Variants in CNTNAP2 observed in about 807,000 individuals in gnomAD.
The protein encoded by CNTNAP2 is contactin-associated protein-like 2.
Under a neutral mutation model 155.2 loss-of-function variants are expected in CNTNAP2, and 98 were observed. The observed-to-expected ratio is 0.63, with a 90% CI of 0.54 to 0.75. The LOEUF (loss-of-function observed/expected upper bound fraction) is 0.75. CNTNAP2 is among the 30% of genes least tolerant of loss of function. CNTNAP2 has a pLI of 0.00. For missense variants in CNTNAP2, 1,727 were observed against 1,688.1 expected (o/e 1.02, Z -0.40); for synonymous variants, 651 against 631.2 (o/e 1.03, Z -0.47).
chr7:147,438,420 CA>C (rs1320903281), intron 10 of CNTNAP2, among the ~76,000 whole-genome samples: 1 of 151,932 alleles, frequency 6.6e-6, no homozygotes, highest in Non-Finnish European at 1.5e-5. Context: ...CATTGATTTG[CA>C]TATGTTGAAT....
At chr7:147,056,469 G>A (rs577899419) in intron 4 of CNTNAP2, among the ~76,000 whole-genome samples, 1 of 152,182 alleles carries the variant, frequency 6.6e-6, no homozygotes, top group African/African-American at 2.4e-5. Context: ...TGTTCCAAAG[G>A]ACAGGGACTG....
intron 11 of CNTNAP2, among the ~76,000 whole-genome samples, chr7:147,540,031 A>T (rs995859981): frequency 6.6e-6 from 1 of 152,206 alleles, no homozygotes; most frequent in Non-Finnish European, 1.5e-5. Context: ...CTAGGCTGAT[A>T]CCAGACAAAG....
intron 1 of CNTNAP2, among the ~76,000 whole-genome samples, chr7:146,399,470 C>T (rs1227731777): frequency 6.6e-6 from 1 of 152,142 alleles, no homozygotes; most frequent in Non-Finnish European, 1.5e-5. Flanking sequence ...TGATGATCTC[C>T]AGCTTCATCG....
At chr7:147,016,454 A>T (rs1798725359) in intron 3 of CNTNAP2, among the ~76,000 whole-genome samples, 1 of 152,064 alleles carries the variant, frequency 6.6e-6, no homozygotes, top group South Asian at 2.1e-4. Context: ...AGCAAGAATT[A>T]AAAACATACT....
At chr7:147,588,100 A>C (rs557477738) in intron 12 of CNTNAP2, among the ~76,000 whole-genome samples, 1 of 152,300 alleles carries the variant, frequency 6.6e-6, no homozygotes, top group South Asian at 2.1e-4. Flanking sequence ...CTGAATCCAA[A>C]AAGATAGATA....
At chr7:146,674,555 A>G (rs1295932959) in intron 1 of CNTNAP2, among the ~76,000 whole-genome samples, 1 of 152,154 alleles carries the variant, frequency 6.6e-6, no homozygotes, top group Non-Finnish European at 1.5e-5. Flanking sequence ...TCAGTGGCTG[A>G]GGCCTGTGAA....
chr7:146,385,288 G>T (rs949412761), intron 1 of CNTNAP2, among the ~76,000 whole-genome samples: 42 of 152,120 alleles, frequency 2.8e-4, no homozygotes, highest in Admixed American at 1.5e-3. Context: ...AGGGATTAAA[G>T]TTAATTCCCT....
intron 3 of CNTNAP2, among the ~76,000 whole-genome samples, chr7:146,912,507 A>G (rs1454485097): frequency 1.3e-5 from 2 of 152,134 alleles, no homozygotes; most frequent in Admixed American, 6.6e-5. Flanking sequence ...CCTCAGGGTA[A>G]CAATGTTTTA....
intron 1 of CNTNAP2, 148 bp from the exon 2 acceptor site, chr7:146,774,123 C>T: frequency 1.5e-6 from 1 of 661,286 alleles, no homozygotes; most frequent in East Asian, 2.8e-5. Flanking sequence ...TTTAGGATAA[C>T]AGAATTGCCT....
chr7:148,012,373 A>C (rs377307122), intron 15 of CNTNAP2, among the ~76,000 whole-genome samples: 1 of 152,224 alleles, frequency 6.6e-6, no homozygotes, highest in Non-Finnish European at 1.5e-5. Context: ...CCAGGATAGA[A>C]AGTAGAATGG....
intron 13 of CNTNAP2, among the ~76,000 whole-genome samples, chr7:147,762,934 C>G (rs1584943076): frequency 1.3e-5 from 2 of 152,056 alleles, no homozygotes; most frequent in African/African-American, 4.8e-5. Flanking sequence ...CAACTTTAGG[C>G]ATCTCAAAAG....
chr7:147,115,477 T>C (rs1800967311), intron 5 of CNTNAP2, among the ~76,000 whole-genome samples: 1 of 152,220 alleles, frequency 6.6e-6, no homozygotes, highest in East Asian at 1.9e-4. Context: ...GTTTAGTTTC[T>C]TTACATAATT....
intron 2 of CNTNAP2, among the ~76,000 whole-genome samples, chr7:146,828,342 C>A (rs1036809905): frequency 4.6e-5 from 7 of 151,884 alleles, no homozygotes; most frequent in Non-Finnish European, 8.8e-5. Flanking sequence ...GAAATAAAAT[C>A]CACTTGATAG....
chr7:146,951,498 C>T (rs1171252490), intron 3 of CNTNAP2, among the ~76,000 whole-genome samples: 5 of 152,068 alleles, frequency 3.3e-5, no homozygotes, highest in Admixed American at 6.6e-5. Context: ...GGTCCAGTTT[C>T]GGTTTTCTGC....
intron 1 of CNTNAP2, among the ~76,000 whole-genome samples, chr7:146,293,351 T>G (rs935981996): frequency 6.6e-6 from 1 of 152,194 alleles, no homozygotes; most frequent in Non-Finnish European, 1.5e-5. Flanking sequence ...ACAATTATCT[T>G]TTATCATTTA....
At chr7:146,562,782 GT>G (rs897426872) in intron 1 of CNTNAP2, among the ~76,000 whole-genome samples, 1 of 151,784 alleles carries the variant, frequency 6.6e-6, no homozygotes, top group South Asian at 2.1e-4. Flanking sequence ...AAATTTCTAG[GT>G]TTTTTTATTT....
chr7:146,644,187 C>G (rs189107003), intron 1 of CNTNAP2, among the ~76,000 whole-genome samples: 4,408 of 151,296 alleles, frequency 0.029, 213 homozygotes, highest in African/African-American at 0.1. Flanking sequence ...GGCCAGAACA[C>G]TATGTTGAAT....
chr7:147,108,479 T>A, intron 5 of CNTNAP2, 129 bp downstream of exon 5: 1 of 793,670 alleles, frequency 1.3e-6, no homozygotes, highest in Non-Finnish European at 1.9e-6. Context: ...TCATACTTAA[T>A]CTATAACAGT....
At chr7:148,277,956 C>A (rs2116855621) in intron 21 of CNTNAP2, among the ~76,000 whole-genome samples, 2 of 152,256 alleles carry the variant, frequency 1.3e-5, no homozygotes, top group East Asian at 3.9e-4. Flanking sequence ...TCTCGTCTTC[C>A]TCCTGGGACC....
Sources: gnomAD v4.1 joint callset for allele counts (sites outside exome capture counted in the v4.1 genomes callset) on GRCh38, gnomAD v4.1.1 for gene constraint, MANE v1.5 for transcripts, NCBI Gene and HGNC (gene_info 2026-07-23, HGNC 2026-07-21) for gene names.